The following PPP2R2D variants were observed in gnomAD, a reference collection of about 807,000 sequenced individuals.
PPP2R2D encodes protein phosphatase 2 regulatory subunit Bdelta, also known as serine/threonine-protein phosphatase 2A 55 kDa regulatory subunit B delta isoform.
PPP2R2D carries 9 observed loss-of-function variants against 31.1 expected under a neutral mutation model. That is an observed-to-expected ratio of 0.29 (90% confidence interval 0.17 to 0.51). The LOEUF is 0.51. Among genes scored for constraint, PPP2R2D ranks in the 20% least tolerant of loss-of-function variants. The pLI is 0.98. For missense variants in PPP2R2D, 391 were observed against 465.6 expected, an observed-to-expected ratio of 0.84 and a Z score of 1.48; for synonymous variants, 179 against 172.6, an observed-to-expected ratio of 1.04 and a Z score of -0.29.
rs146426340 is a variant in PPP2R2D at position 131,944,950 on chromosome 10, T to C, written c.656-345T>C. On this transcript the variant is annotated intron_variant, in intron 6 of 8. Coordinates refer to ENST00000455566, the MANE Select transcript of PPP2R2D (RefSeq NM_018461.5). ...AGTTTTGTGTGGGAGTGTGGGATTTTGCACAGATGGTACTAGCTTGGTTTT... is the reference window on the plus strand; with the variant it reads ...AGTTTTGTGTGGGAGTGTGGGATTTCGCACAGATGGTACTAGCTTGGTTTT... Among the ~76,000 whole-genome samples the C allele has an allele frequency of 2.2e-3, 342 of 152,310 alleles. 2 individuals carry two copies. Among genetic ancestry groups the C allele is most frequent in the African/African-American group, 8.0e-3 (333 of 41,568 alleles).
chr10:131,917,700 C>T (rs1468833060), intron 2 of PPP2R2D, among the ~76,000 whole-genome samples: 2 of 108,806 alleles, frequency 1.8e-5, no homozygotes, highest in Admixed American at 1.1e-4. Flanking sequence ...GGACCTCAGG[C>T]GGGTGGAATG....
At chr10:131,970,872 A>G in the PPP2R2D span, 1 of 1,614,158 alleles carries the variant, frequency 6.2e-7, no homozygotes, top group Non-Finnish European at 8.5e-7. This position sits in a 1 kb window ranked among gnomAD's most constrained non-coding sequence, Gnocchi z 4.1. Flanking sequence ...ACTTGGGGGG[A>G]ATATTTTCCG....
chr10:131,968,711 G>T, the PPP2R2D span: 1 of 614,950 alleles, frequency 1.6e-6, no homozygotes, highest in Non-Finnish European at 2.9e-6. Context: ...ATTTTGTAAT[G>T]AATCTATCTG....
rs2036874242 is a variant in PPP2R2D, at chr10:131,958,975, G to C, written c.*3012G>C. ...CCCTGTGGAGATGAAGGCGTGTGCT[G>C]ATCCGCCATCCCACTGTGGAGATGA... On this transcript the variant is annotated 3_prime_UTR_variant, in exon 9 of 9. Coordinates refer to ENST00000455566, the MANE Select transcript of PPP2R2D (RefSeq NM_018461.5). 7.0e-6 allele frequency: 1 copy of C among 143,178 alleles called. No homozygotes were observed. The allele number at this position is 143,178 out of a possible 1,614,324, so 8.9% of individuals were successfully genotyped here. A position where few individuals can be genotyped will look rare whatever the true frequency, so the allele number is the denominator to read the frequency against.
chr10:131,937,324 G>A (rs150602961), intron 3 of PPP2R2D, among the ~76,000 whole-genome samples: 2 of 152,294 alleles, frequency 1.3e-5, no homozygotes, highest in Admixed American at 1.3e-4. Flanking sequence ...CCCACAGAAC[G>A]TATGGGTGTG....
intron 3 of PPP2R2D, 130 bp downstream of exon 3, chr10:131,934,685 A>G (rs1283647425): frequency 1.5e-6 from 1 of 668,832 alleles, no homozygotes; most frequent in Non-Finnish European, 2.7e-6. Flanking sequence ...CATTAGCCAT[A>G]CAGAATCTCC....
intron 2 of PPP2R2D, among the ~76,000 whole-genome samples, chr10:131,929,327 G>T (rs1589942457): frequency 6.6e-6 from 1 of 152,336 alleles, no homozygotes; most frequent in East Asian, 1.9e-4. Flanking sequence ...GTCTGGTGTT[G>T]CCCTTAGTGT....
At chr10:131,923,378 A>G (rs115842952) in intron 2 of PPP2R2D, among the ~76,000 whole-genome samples, 229 of 152,172 alleles carry the variant, frequency 1.5e-3, no homozygotes, top group African/African-American at 5.3e-3. Flanking sequence ...GGTTGTTCCT[A>G]GTTTTTGGCT....
chr10:131,933,819 G>A (rs984323936), intron 2 of PPP2R2D, among the ~76,000 whole-genome samples: 1 of 152,016 alleles, frequency 6.6e-6, no homozygotes, highest in Non-Finnish European at 1.5e-5. Context: ...CTTCTGCCCC[G>A]GGGTCTTGGC....
chr10:131,971,125 G>T, the PPP2R2D span: 1 of 693,310 alleles, frequency 1.4e-6, no homozygotes, highest in Non-Finnish European at 2.4e-6. Context: ...GAGTCCTGGG[G>T]CTGGGGGCCT....
chr10:131,933,980 T>G (rs1000028134), intron 2 of PPP2R2D, among the ~76,000 whole-genome samples: 1 of 152,180 alleles, frequency 6.6e-6, no homozygotes, highest in Non-Finnish European at 1.5e-5. Flanking sequence ...TCTAGAATAT[T>G]ACATTGTACA....
intron 8 of PPP2R2D, among the ~76,000 whole-genome samples, chr10:131,953,106 G>GCA (rs2036711804): frequency 7.3e-6 from 1 of 136,458 alleles, no homozygotes; most frequent in African/African-American, 2.8e-5. Flanking sequence ...GCAGTGACTT[G>GCA]CGGGGGTTCC....
intron 2 of PPP2R2D, among the ~76,000 whole-genome samples, chr10:131,933,027 C>T (rs892649684): frequency 5.3e-5 from 8 of 152,122 alleles, no homozygotes; most frequent in African/African-American, 1.9e-4. Flanking sequence ...TAGATTTAGA[C>T]CTTTTTAATC....
At chr10:131,953,988 T>C (rs2036744893) in intron 8 of PPP2R2D, among the ~76,000 whole-genome samples, 1 of 152,162 alleles carries the variant, frequency 6.6e-6, no homozygotes, top group African/African-American at 2.4e-5. Context: ...AGGGATGCGA[T>C]GAAGGGGAGT....
chr10:131,935,602 T>C (rs1287933517), intron 3 of PPP2R2D, among the ~76,000 whole-genome samples: 1 of 152,270 alleles, frequency 6.6e-6, no homozygotes, highest in Non-Finnish European at 1.5e-5. Context: ...ATTTTGATTA[T>C]GTCCAGGTAG....
At chr10:131,908,940 A>G (rs1335004457) in intron 2 of PPP2R2D, among the ~76,000 whole-genome samples, 1 of 152,222 alleles carries the variant, frequency 6.6e-6, no homozygotes, top group African/African-American at 2.4e-5. Context: ...TTGGAAATAG[A>G]AATGCAGTTC....
At chr10:131,901,624 C>T (rs1013988895) in intron 2 of PPP2R2D, among the ~76,000 whole-genome samples, 6 of 152,226 alleles carry the variant, frequency 3.9e-5, no homozygotes, top group South Asian at 4.1e-4. Context: ...CTGCCTCCTG[C>T]CCGGGGCGGA....
chr10:131,961,144 G>A (rs1160957088), downstream of PPP2R2D, among the ~76,000 whole-genome samples: 3 of 152,196 alleles, frequency 2.0e-5, no homozygotes, highest in African/African-American at 7.2e-5. Context: ...ACCTTCAGAC[G>A]CTGCCCGCGG....
intron 2 of PPP2R2D, among the ~76,000 whole-genome samples, chr10:131,914,153 T>G (rs1228224643): frequency 1.3e-5 from 2 of 152,224 alleles, no homozygotes; most frequent in African/African-American, 2.4e-5. Flanking sequence ...CTGGTTTGTT[T>G]TAAGTGGGTG....
Sources: gnomAD v4.1 joint callset for allele counts (sites outside exome capture counted in the v4.1 genomes callset) on GRCh38, gnomAD v4.1.1 for gene constraint, Gnocchi (gnomAD v3.1) non-coding constraint, MANE v1.5 for transcripts, NCBI Gene and HGNC (gene_info 2026-07-23, HGNC 2026-07-21) for gene names.